Variants in PTPRD observed in about 807,000 individuals in gnomAD.
PTPRD encodes the protein protein tyrosine phosphatase receptor type D.
A neutral mutation model predicts 214.5 loss-of-function variants in PTPRD; 34 were observed. That is an observed-to-expected ratio of 0.16 (90% CI 0.12 to 0.21). The LOEUF is 0.21. Among genes scored for constraint, PTPRD ranks in the 10% least tolerant of loss-of-function variants. PTPRD has a pLI of 1.00. For missense variants in PTPRD, 2,545 were observed against 2,398.7 expected (o/e 1.06, Z -1.27); for synonymous variants, 1,128 against 845.7 (o/e 1.33, Z -5.79).
intron 8 of PTPRD, among the ~76,000 whole-genome samples, chr9:9,428,154 T>C (rs112003855): frequency 0.064 from 9,754 of 152,128 alleles, 350 homozygotes; most frequent in Middle Eastern, 0.17. Context: ...CAGTGTGCTA[T>C]ACTCAGGAGA....
chr9:9,176,871 T>C (rs185603180), intron 10 of PTPRD, among the ~76,000 whole-genome samples: 2 of 152,038 alleles, frequency 1.3e-5, no homozygotes, highest in African/African-American at 2.4e-5. Context: ...CATGCGGGGG[T>C]ATTGTGTTAT....
chr9:9,097,226 G>A (rs1013552262), intron 10 of PTPRD, among the ~76,000 whole-genome samples: 5 of 152,074 alleles, frequency 3.3e-5, no homozygotes, highest in African/African-American at 7.2e-5. Flanking sequence ...GCATGTGGGC[G>A]AAGGACTTGA....
intron 11 of PTPRD, among the ~76,000 whole-genome samples, chr9:8,928,575 T>C (rs1463942261): frequency 0.014 from 19 of 1,384 alleles, no homozygotes; most frequent in South Asian, 0.5. Context: ...TCTGTTTTGG[T>C]ACCAGTTGGT....
At chr9:8,790,978 G>A (rs1438690946) in intron 11 of PTPRD, among the ~76,000 whole-genome samples, 1 of 152,140 alleles carries the variant, frequency 6.6e-6, no homozygotes, top group Admixed American at 6.6e-5. Flanking sequence ...TTGTTATTGA[G>A]GAAAGTGATA....
chr9:10,039,495 G>T (rs1324425241), intron 3 of PTPRD, among the ~76,000 whole-genome samples: 1 of 152,012 alleles, frequency 6.6e-6, no homozygotes, highest in East Asian at 1.9e-4. Context: ...AATGGTGAAA[G>T]TTACACAAGT....
At chr9:9,374,160 A>T (rs2060209153) in intron 9 of PTPRD, among the ~76,000 whole-genome samples, 1 of 152,098 alleles carries the variant, frequency 6.6e-6, no homozygotes, top group Admixed American at 6.6e-5. Flanking sequence ...GACGAAAAAG[A>T]CAGATTTTAT....
At chr9:9,714,241 G>C (rs541159407) in intron 7 of PTPRD, among the ~76,000 whole-genome samples, 2 of 151,966 alleles carry the variant, frequency 1.3e-5, no homozygotes, top group African/African-American at 2.4e-5. Context: ...ATGTTGTCTT[G>C]TAACTGTTTT....
At chr9:10,018,578 C>T (rs1462544120) in intron 4 of PTPRD, among the ~76,000 whole-genome samples, 7 of 91,310 alleles carry the variant, frequency 7.7e-5, no homozygotes, top group South Asian at 1.0e-3. Context: ...GACGGAGTCT[C>T]GCTCTGTCGC....
intron 3 of PTPRD, among the ~76,000 whole-genome samples, chr9:10,332,013 T>C (rs949323678): frequency 6.6e-6 from 1 of 151,848 alleles, no homozygotes; most frequent in Non-Finnish European, 1.5e-5. Context: ...CTAGCAGCAA[T>C]AAGACATGCA....
intron 9 of PTPRD, among the ~76,000 whole-genome samples, chr9:9,205,495 C>A (rs766264412): frequency 6.6e-6 from 1 of 151,996 alleles, no homozygotes; most frequent in South Asian, 2.1e-4. Flanking sequence ...CAAAAGAAAC[C>A]ATAAAAGTAT....
chr9:9,677,015 T>A (rs181793605), intron 7 of PTPRD, among the ~76,000 whole-genome samples: 1 of 152,182 alleles, frequency 6.6e-6, no homozygotes, highest in South Asian at 2.1e-4. Flanking sequence ...TCCTTGTAGA[T>A]TCTGGATATT....
chr9:8,849,776 T>C (rs555826958), intron 11 of PTPRD, among the ~76,000 whole-genome samples: 20 of 152,250 alleles, frequency 1.3e-4, no homozygotes, highest in African/African-American at 3.9e-4. Context: ...AGGCTAGACA[T>C]GCAATTTGGG....
At chr9:9,309,714 G>A (rs1958299422) in intron 9 of PTPRD, among the ~76,000 whole-genome samples, 1 of 152,096 alleles carries the variant, frequency 6.6e-6, no homozygotes, top group Admixed American at 6.6e-5. Flanking sequence ...GAAAAGAATG[G>A]TACAACGTTA....
chr9:8,598,324 C>T (rs1037303958), intron 14 of PTPRD, among the ~76,000 whole-genome samples: 3 of 151,898 alleles, frequency 2.0e-5, no homozygotes, highest in African/African-American at 7.3e-5. Flanking sequence ...TGGTGGCATG[C>T]TCCTTTGGTC....
At chr9:9,845,983 G>C (rs989337171) in intron 5 of PTPRD, among the ~76,000 whole-genome samples, 1 of 152,004 alleles carries the variant, frequency 6.6e-6, no homozygotes, top group Non-Finnish European at 1.5e-5. Context: ...CCAACAACTG[G>C]GAGGAACTAA....
intron 5 of PTPRD, among the ~76,000 whole-genome samples, chr9:9,906,132 T>C (rs990349841): frequency 6.6e-6 from 1 of 151,918 alleles, no homozygotes; most frequent in African/African-American, 2.4e-5. Context: ...GTTATTCAAG[T>C]AATCTAGTCA....
chr9:9,224,070 A>G (rs1348118754), intron 9 of PTPRD, among the ~76,000 whole-genome samples: 2 of 152,012 alleles, frequency 1.3e-5, no homozygotes, highest in Non-Finnish European at 2.9e-5. Flanking sequence ...AGAACATTCT[A>G]TAAAGACTAC....
rs7857455 is a variant in PTPRD at position 9,480,693 on chromosome 9, T to A, written c.-236-83211A>T. On this transcript the variant is annotated intron_variant, in intron 8 of 45. Coordinates refer to ENST00000381196, the MANE Select transcript of PTPRD (RefSeq NM_002839.4). ...AAAATATATACCATATATTTTTTAG[T>A]ATATTAAGTGCTGTGGCCACAGAAA... Among the ~76,000 whole-genome samples the A allele has an allele frequency of 3.9e-3, 594 of 152,206 alleles. 1 individual carries two copies. The highest frequency in any genetic ancestry group is 0.013 in the African/African-American group (535 of 41,534).
intron 3 of PTPRD, among the ~76,000 whole-genome samples, chr9:10,091,773 T>C (rs1449721352): frequency 8.3e-6 from 1 of 119,798 alleles, no homozygotes; most frequent in Non-Finnish European, 1.7e-5. Context: ...AATAAGAATA[T>C]GTATCTCATT....
Sources: gnomAD v4.1 joint callset for allele counts (sites outside exome capture counted in the v4.1 genomes callset) on GRCh38, gnomAD v4.1.1 for gene constraint, MANE v1.5 for transcripts, NCBI Gene and HGNC (gene_info 2026-07-23, HGNC 2026-07-21) for gene names.